The following TRIO variants were observed in gnomAD, a reference collection of about 807,000 sequenced individuals.
TRIO encodes trio Rho guanine nucleotide exchange factor.
TRIO carries 58 observed loss-of-function variants against 351.9 expected under a neutral mutation model. The observed-to-expected ratio is 0.16, with a 90% confidence interval of 0.13 to 0.21. The LOEUF is 0.21. Among genes scored for constraint, TRIO ranks in the 10% least tolerant of loss-of-function variants. The pLI is 1.00. For synonymous variants in TRIO, 1,758 were observed against 1,595.7 expected (o/e 1.10, Z -2.42); for missense variants, 3,201 against 4,027.8 (o/e 0.79, Z 5.56).
In TRIO at chr5:14,359,522, C is replaced by T. The variant is rs374328060; in HGVS notation, c.2382C>T (p.Asp794=). 4.3e-5 allele frequency: 69 copies of T among 1,613,644 alleles called. No homozygotes were observed. The highest frequency in any genetic ancestry group is 8.9e-5 in the East Asian group (4 of 44,878). Reference sequence around the variant, plus strand: ...TGCAGCTGCGCATCTTCGAGAGGGACGCCATCGACGTGAGTGTCCCGCGGC... The same window carrying T: ...TGCAGCTGCGCATCTTCGAGAGGGATGCCATCGACGTGAGTGTCCCGCGGC... ...LFLQLRIFER[D]AIDIISDLES... Residue 794 remains aspartate, a synonymous_variant, in exon 13 of 57, where the codon GAC becomes GAT. Coordinates refer to ENST00000344204, the MANE Select transcript of TRIO (RefSeq NM_007118.4).
intron 31 of TRIO, among the ~76,000 whole-genome samples, chr5:14,405,243 G>A (rs2152379925): frequency 6.6e-6 from 1 of 152,318 alleles, no homozygotes; most frequent in East Asian, 1.9e-4. Context: ...CAGTTGGTGA[G>A]CTTGGAACAT....
chr5:14,418,944 A>C (rs1749878025), intron 33 of TRIO: 1 of 152,434 alleles, frequency 6.6e-6, no homozygotes, highest in Non-Finnish European at 1.5e-5. Context: ...AAGACCATGC[A>C]CTTGTTTTAC....
At chr5:14,163,195 G>A (rs756922504) in intron 1 of TRIO, among the ~76,000 whole-genome samples, 3 of 152,006 alleles carry the variant, frequency 2.0e-5, no homozygotes, top group East Asian at 3.9e-4. Context: ...GCCCTGGTCC[G>A]GTGTGTGATG....
chr5:14,210,997 C>T (rs375032838), intron 1 of TRIO, among the ~76,000 whole-genome samples: 2 of 152,258 alleles, frequency 1.3e-5, no homozygotes, highest in East Asian at 1.9e-4. Flanking sequence ...CCCTAGATAA[C>T]TTAGGTCTAT....
chr5:14,143,506 C>A lies in TRIO; in HGVS notation c.-220C>A, dbSNP rs1274397887. Among the ~76,000 whole-genome samples, 1 of 148,052 alleles carries A rather than the reference C, an allele frequency of 6.8e-6. No individual in the cohort carries two copies. Among genetic ancestry groups the A allele is most frequent in the Non-Finnish European group, 1.5e-5 (1 of 66,468 alleles). On this transcript the variant is annotated 5_prime_UTR_variant, in exon 1 of 57. Transcript: ENST00000344204. ...GCCGTGGCTCCGCGCCTCCGCCCCT[C>A]GGCCAGCTCGCGGCTACCGGGCGGA...
chr5:14,367,805 G>A (rs1046294533), intron 16 of TRIO, among the ~76,000 whole-genome samples: 4 of 152,182 alleles, frequency 2.6e-5, no homozygotes, highest in African/African-American at 7.2e-5. Context: ...ACTGTTTGGT[G>A]CCATTGGACA....
intron 21 of TRIO, among the ~76,000 whole-genome samples, chr5:14,383,641 G>A (rs1223435399): frequency 2.0e-5 from 3 of 152,088 alleles, no homozygotes; most frequent in South Asian, 4.1e-4. Flanking sequence ...TCTTTTGTTG[G>A]GTTTATTGAA....
chr5:14,147,232 A>T (rs922837236), intron 1 of TRIO, among the ~76,000 whole-genome samples: 1 of 152,086 alleles, frequency 6.6e-6, no homozygotes, highest in African/African-American at 2.4e-5. Context: ...AGCCTTAGGG[A>T]GGTTTCATGA....
chr5:14,310,780 G>A lies in TRIO; in HGVS notation c.1501-5733G>A, dbSNP rs141808225. ...GGCTCACTGCAACCTCTGCCTCCTG[G>A]GTTCAAGCGATTCTTGTGTCTTAGC... On this transcript the variant is annotated intron_variant, in intron 8 of 56. Coordinates refer to ENST00000344204, the MANE Select transcript of TRIO (RefSeq NM_007118.4). Among the ~76,000 whole-genome samples the A allele has an allele frequency of 1.7e-3, 263 of 152,294 alleles. 3 individuals are homozygous for A. The highest frequency in any genetic ancestry group is 6.1e-3 in the African/African-American group (252 of 41,540).
At chr5:14,396,487 T>TTTTTTC (rs1747605877) in intron 28 of TRIO, among the ~76,000 whole-genome samples, 1 of 106,282 alleles carries the variant, frequency 9.4e-6, no homozygotes, top group Non-Finnish European at 1.8e-5. Context: ...TTTTTTTTTT[T>TTTTTTC]GAGACAGGGT....
At chr5:14,212,894 A>C (rs950586669) in intron 1 of TRIO, among the ~76,000 whole-genome samples, 18 of 150,998 alleles carry the variant, frequency 1.2e-4, no homozygotes, top group African/African-American at 4.5e-4. Context: ...CAGGAGACCA[A>C]ATAGGGTAGC....
chr5:14,482,712 A>G lies in TRIO; in HGVS notation c.6596A>G (p.Glu2199Gly). Residue 2199 changes from glutamate to glycine, a missense_variant, in exon 46 of 57, where the codon GAA becomes GGA. By Grantham distance (98) the Glu-to-Gly change is moderately conservative. Around this residue, in one of 19 missense-constraint regions of TRIO, gnomAD observed 1,089 missense variants for 954.9 expected, o/e 1.14. Coordinates refer to ENST00000344204, the MANE Select transcript of TRIO (RefSeq NM_007118.4). ...FLFEQIVIFS[E>G]PLDKKKGFSM... is the part of the protein sequence containing the mutation. ...TTTGAGCAGATCGTCATATTCAGCG[A>G]ACCACTTGATAAAAAGAAGGGCTTC... 1.2e-6 allele frequency: 2 copies of G among 1,611,270 alleles called. No homozygotes were observed. Among genetic ancestry groups the G allele is most frequent in the Non-Finnish European group, 1.7e-6 (2 of 1,178,182 alleles).
chr5:14,373,291 A>ATG (rs1471301773), intron 18 of TRIO, among the ~76,000 whole-genome samples: 1 of 152,160 alleles, frequency 6.6e-6, no homozygotes, highest in Non-Finnish European at 1.5e-5. Flanking sequence ...GAGACTCATG[A>ATG]TGTGTTTTTC....
intron 7 of TRIO, among the ~76,000 whole-genome samples, chr5:14,299,888 A>G (rs1420341315): frequency 6.6e-6 from 1 of 152,216 alleles, no homozygotes; most frequent in Non-Finnish European, 1.5e-5. Context: ...TCTTAGCTGC[A>G]CCGTCCGGCC....
intron 1 of TRIO, among the ~76,000 whole-genome samples, chr5:14,148,185 A>G (rs941658602): frequency 1.3e-5 from 2 of 152,238 alleles, no homozygotes; most frequent in Non-Finnish European, 2.9e-5. Flanking sequence ...GATTAACCAG[A>G]TTTAAATGAA....
intron 1 of TRIO, among the ~76,000 whole-genome samples, chr5:14,222,098 T>C (rs757943746): frequency 6.6e-6 from 1 of 151,758 alleles, no homozygotes; most frequent in South Asian, 2.1e-4. Context: ...GCAAAAAGAT[T>C]ACGACTCTCT....
intron 37 of TRIO, among the ~76,000 whole-genome samples, chr5:14,467,959 C>CT (rs893648883): frequency 1.3e-5 from 2 of 152,060 alleles, no homozygotes; most frequent in African/African-American, 2.4e-5. Context: ...CATCCTTAAA[C>CT]TTTTTTTTAA....
intron 1 of TRIO, among the ~76,000 whole-genome samples, chr5:14,225,979 C>G (rs539335678): frequency 5.3e-5 from 8 of 152,324 alleles, no homozygotes; most frequent in Non-Finnish European, 1.2e-4. Context: ...GCTTTGAGTT[C>G]CGCCGTGGCA....
At chr5:14,279,210 C>T (rs1163382316) in intron 2 of TRIO, among the ~76,000 whole-genome samples, 1 of 152,120 alleles carries the variant, frequency 6.6e-6, no homozygotes, top group African/African-American at 2.4e-5. Flanking sequence ...TAAGTATTCC[C>T]AATCAAAATG....
Sources: allele counts gnomAD v4.1 joint callset (sites outside exome capture counted in the v4.1 genomes callset), GRCh38; gene constraint gnomAD v4.1.1; regional missense constraint gnomAD v4.1.1; transcripts MANE v1.5; gene names NCBI Gene and HGNC (gene_info 2026-07-23, HGNC 2026-07-21).